The following LAMA2 variants were observed in gnomAD, a reference collection of about 807,000 sequenced individuals.
LAMA2 encodes laminin subunit alpha 2.
In LAMA2, 269 loss-of-function variants were observed where a neutral mutation model predicts 364.8. The ratio of observed to expected loss-of-function variants is 0.74; its 90% CI spans 0.67 to 0.82. LAMA2 has a LOEUF of 0.82. Among genes scored for constraint, LAMA2 ranks in the 40% least tolerant of loss-of-function variants. The pLI is 0.00. For missense variants in LAMA2, 3,807 were observed against 3,873.2 expected, an observed-to-expected ratio of 0.98 and a Z score of 0.45; for synonymous variants, 1,379 against 1,370.6, an observed-to-expected ratio of 1.01 and a Z score of -0.14.
At chr6:129,077,632 A>G (rs1206306455) in intron 3 of LAMA2, among the ~76,000 whole-genome samples, 1 of 152,196 alleles carries the variant, frequency 6.6e-6, no homozygotes, top group Non-Finnish European at 1.5e-5. Context: ...TTTTGTTCGA[A>G]TATGTATTAC....
chr6:129,292,974 C>T (rs951525288), intron 20 of LAMA2: 3 of 985,770 alleles, frequency 3.0e-6, no homozygotes, highest in Admixed American at 6.1e-5. Flanking sequence ...GGAGCAGCCG[C>T]GGAGAGCGCA....
At chr6:129,076,827 A>C (rs1210640410) in intron 3 of LAMA2, among the ~76,000 whole-genome samples, 2 of 152,038 alleles carry the variant, frequency 1.3e-5, no homozygotes, top group Non-Finnish European at 2.9e-5. Context: ...TTTTGAGTCA[A>C]ATTTTCTGTA....
intron 58 of LAMA2, among the ~76,000 whole-genome samples, chr6:129,495,853 C>G (rs1433037980): frequency 6.6e-6 from 1 of 150,734 alleles, no homozygotes; most frequent in Non-Finnish European, 1.5e-5. Context: ...TTATAACCTT[C>G]TGTTCTAATT....
At chr6:129,067,921 T>A (rs900546773) in intron 3 of LAMA2, among the ~76,000 whole-genome samples, 1 of 152,242 alleles carries the variant, frequency 6.6e-6, no homozygotes, top group Non-Finnish European at 1.5e-5. Context: ...GCTCCCAGCC[T>A]GTCCACTTCC....
chr6:129,426,204 T>TA (rs1781316757), intron 40 of LAMA2, among the ~76,000 whole-genome samples: 1 of 152,192 alleles, frequency 6.6e-6, no homozygotes. Context: ...CTCCACTTTT[T>TA]AGAGTTTTCT....
At chr6:129,397,136 GA>G (rs1779699704) in intron 37 of LAMA2, among the ~76,000 whole-genome samples, 1 of 151,774 alleles carries the variant, frequency 6.6e-6, no homozygotes, top group Non-Finnish European at 1.5e-5. Flanking sequence ...CAAAGCTCTG[GA>G]ATAAATAAAG....
chr6:129,025,518 C>T (rs897587924), intron 1 of LAMA2, among the ~76,000 whole-genome samples: 41 of 151,920 alleles, frequency 2.7e-4, no homozygotes, highest in African/African-American at 7.0e-4. Context: ...ACTTTTTCAT[C>T]GATAGCTTTA....
At chr6:128,909,484 G>T (rs1382686815) in intron 1 of LAMA2, among the ~76,000 whole-genome samples, 2 of 148,002 alleles carry the variant, frequency 1.4e-5, no homozygotes, top group Non-Finnish European at 3.0e-5. Flanking sequence ...TTTTCCATTT[G>T]CTTGGTAGAT....
At chr6:128,893,752 A>G (rs1776603221) in intron 1 of LAMA2, among the ~76,000 whole-genome samples, 1 of 152,020 alleles carries the variant, frequency 6.6e-6, no homozygotes, top group South Asian at 2.1e-4. Flanking sequence ...TTGTATTAAA[A>G]TTAAAATTGG....
intron 34 of LAMA2, among the ~76,000 whole-genome samples, chr6:129,378,944 A>G (rs1583610968): frequency 6.6e-6 from 1 of 152,214 alleles, no homozygotes; most frequent in African/African-American, 2.4e-5. Flanking sequence ...TAGCAAAGAC[A>G]TGGAATCAAC....
At chr6:129,339,907 G>T (rs1776162712) in intron 29 of LAMA2, among the ~76,000 whole-genome samples, 1 of 151,998 alleles carries the variant, frequency 6.6e-6, no homozygotes, top group Admixed American at 6.6e-5. Flanking sequence ...GGAGGCTGAG[G>T]CAGGAGAATC....
chr6:129,291,630 C>T lies in LAMA2; in HGVS notation c.2766C>T (p.Ala922=), dbSNP rs149254699. ...AKNCQPCRCN[A]GGSFSEVCHS... ...TCTTTGCAGCCTGTCGCTGTAATGC[C>T]GGTGGCTCTTTCTCTGAGGTTTGCC... Residue 922 remains alanine (A), a synonymous_variant, in exon 20 of 65, where the codon GCC becomes GCT. Transcript: ENST00000421865. The T allele has an allele frequency of 1.8e-4, 291 of 1,613,800 alleles. No homozygotes were observed. The highest frequency in any genetic ancestry group is 5.7e-4 in the African/African-American group (43 of 75,024).
chr6:128,985,418 C>G (rs1335507241), intron 1 of LAMA2, among the ~76,000 whole-genome samples: 3 of 152,012 alleles, frequency 2.0e-5, no homozygotes, highest in Non-Finnish European at 4.4e-5. Flanking sequence ...AACATTGAAT[C>G]ATTTTTGGTG....
chr6:129,240,645 T>G (rs1203935582), intron 12 of LAMA2, among the ~76,000 whole-genome samples: 2 of 152,218 alleles, frequency 1.3e-5, no homozygotes, highest in Non-Finnish European at 2.9e-5. Flanking sequence ...GTGCTCTGGA[T>G]GTGCTCTGAC....
intron 12 of LAMA2, among the ~76,000 whole-genome samples, chr6:129,237,995 T>C (rs1442279002): frequency 2.7e-5 from 2 of 72,964 alleles, no homozygotes; most frequent in East Asian, 2.8e-4. Flanking sequence ...CTGTGTTTAC[T>C]AAAAATACAA....
At chr6:129,101,878 T>A (rs1450518795) in intron 4 of LAMA2, among the ~76,000 whole-genome samples, 3 of 152,242 alleles carry the variant, frequency 2.0e-5, no homozygotes, top group African/African-American at 7.2e-5. Context: ...CCCTCTGCTC[T>A]ATGATTCTAA....
At chr6:129,107,308 T>C (rs909109418) in intron 4 of LAMA2, among the ~76,000 whole-genome samples, 2 of 152,182 alleles carry the variant, frequency 1.3e-5, no homozygotes, top group Non-Finnish European at 2.9e-5. Context: ...GATATGATAG[T>C]ATTTCCAGCC....
chr6:129,284,956 A>C (rs901396666), intron 18 of LAMA2, among the ~76,000 whole-genome samples: 1 of 152,156 alleles, frequency 6.6e-6, no homozygotes, highest in Non-Finnish European at 1.5e-5. Flanking sequence ...ATCCGTTTCT[A>C]GCAAGGCATT....
intron 8 of LAMA2, among the ~76,000 whole-genome samples, chr6:129,156,234 C>A (rs1179417526): frequency 6.6e-6 from 1 of 150,986 alleles, no homozygotes; most frequent in East Asian, 1.9e-4. Flanking sequence ...ACAATTTTGT[C>A]AAAAAGGAAA....
Sources: gnomAD v4.1 joint callset for allele counts (sites outside exome capture counted in the v4.1 genomes callset) on GRCh38, gnomAD v4.1.1 for gene constraint, MANE v1.5 for transcripts, NCBI Gene and HGNC (gene_info 2026-07-23, HGNC 2026-07-21) for gene names.